PMP22: variants seen among roughly 807,000 people sequenced by gnomAD.
The protein encoded by PMP22 is peripheral myelin protein 22, also known as Charcot-Marie-Tooth neuropathy 1A (greatly reduced nerve conduction velocity, hereditary motor sensory neuropathy Ia).
PMP22 carries 2 observed loss-of-function variants against 18.9 expected under a neutral mutation model. The observed-to-expected ratio is 0.11, with a 90% CI of 0.04 to 0.33. The LOEUF (loss-of-function observed/expected upper bound fraction) is 0.33, where lower values mean the gene tolerates loss of function less well. Ranked by LOEUF, PMP22 falls within the 10% of genes least tolerant of loss-of-function variation. PMP22 has a pLI of 1.00. For synonymous variants in PMP22, 95 were observed against 89.2 expected, an observed-to-expected ratio of 1.07 and a Z score of -0.37; for missense variants, 169 against 202.2, an observed-to-expected ratio of 0.84 and a Z score of 1.00.
At position 15,239,455 on chromosome 17, in the gene PMP22, A is replaced by G. The variant is rs751416357; in HGVS notation, c.319+16T>C. 6.2e-7 allele frequency: 1 copy of G among 1,614,138 alleles called. No individual in the cohort carries two copies. The highest frequency in any genetic ancestry group is 8.5e-7 in the Non-Finnish European group (1 of 1,179,948). The stretch of plus-strand genomic sequence containing the variant: ...TGCACCCCGCTTCCACATGGACTTT[A>G]CCATCCACAACTTACCAGCAAGAAT... On this transcript the variant is annotated intron_variant, in intron 4 of 4. Transcript: ENST00000312280.
chr17:15,256,345 G>A (rs906343046), intron 3 of PMP22, among the ~76,000 whole-genome samples: 2 of 152,012 alleles, frequency 1.3e-5, no homozygotes, highest in African/African-American at 4.8e-5. Flanking sequence ...AGTCCTTTCA[G>A]AAAAAAATAC....
intron 1 of PMP22, among the ~76,000 whole-genome samples, chr17:15,263,794 A>T (rs1909527702): frequency 6.6e-6 from 1 of 152,190 alleles, no homozygotes; most frequent in South Asian, 2.1e-4. Flanking sequence ...ATCAGATTAA[A>T]ATGAAGTGTA....
At chr17:15,264,592 GC>G (rs1909588611) in intron 1 of PMP22, among the ~76,000 whole-genome samples, 1 of 152,142 alleles carries the variant, frequency 6.6e-6, no homozygotes. Context: ...GCTACAGCTC[GC>G]TTCTTCCTTT....
chr17:15,259,792 A>AT (rs2150708401), intron 2 of PMP22, among the ~76,000 whole-genome samples: 1 of 151,532 alleles, frequency 6.6e-6, no homozygotes, highest in East Asian at 1.9e-4. Flanking sequence ...ATACAAAAAA[A>AT]AAAAAAATTA....
chr17:15,259,856 T>C (rs1469242672), intron 2 of PMP22, among the ~76,000 whole-genome samples: 1 of 148,344 alleles, frequency 6.7e-6, no homozygotes, highest in Non-Finnish European at 1.5e-5. Context: ...GAGAATGGCT[T>C]GAACCCGGAA....
chr17:15,239,408 C>G (rs777499601), intron 4 of PMP22, 63 bp downstream of exon 4: 4 of 1,572,860 alleles, frequency 2.5e-6, no homozygotes, highest in Non-Finnish European at 3.5e-6. Flanking sequence ...TTCTACTAAA[C>G]TAATCATTCC....
chr17:15,259,949 AAAAAAAGAAAAG>A, intron 2 of PMP22, among the ~76,000 whole-genome samples: 1 of 151,836 alleles, frequency 6.6e-6, no homozygotes, highest in East Asian at 1.9e-4. Context: ...AAAAAAAAAA[AAAAAAAGAAAAG>A]AAAAGAAAAG....
chr17:15,231,046 C>T lies in PMP22; in HGVS notation c.354G>A (p.Thr118=), dbSNP rs776275784. ...LCVMSAAAIY[T]VRHPEWHLNS... is the part of the protein sequence containing the mutation. ...TGAGATGCCACTCCGGGTGCCTCAC[C>T]GTGTAGATGGCCGCAGCACTCATCA... Residue 118 remains threonine, a synonymous_variant, in exon 5 of 5, where the codon ACG becomes ACA. Transcript: ENST00000312280. 23 of 1,614,066 alleles carry T rather than the reference C, an allele frequency of 1.4e-5. 1 individual carries two copies. The highest frequency in any genetic ancestry group is 7.7e-5 in the South Asian group (7 of 91,082).
At chr17:15,243,565 C>A (rs61611607) in intron 3 of PMP22, among the ~76,000 whole-genome samples, 1 of 151,078 alleles carries the variant, frequency 6.6e-6, no homozygotes, top group African/African-American at 2.4e-5. Flanking sequence ...TACCACCTAC[C>A]AGATTTAAAA....
At chr17:15,259,663 C>T (rs1597633804) in intron 2 of PMP22, among the ~76,000 whole-genome samples, 1 of 151,708 alleles carries the variant, frequency 6.6e-6, no homozygotes, top group South Asian at 2.1e-4. Context: ...GCTTACAGGC[C>T]GGGCACGGTG....
intron 4 of PMP22, among the ~76,000 whole-genome samples, chr17:15,232,134 C>G (rs1447094933): frequency 1.3e-5 from 2 of 152,014 alleles, no homozygotes; most frequent in Admixed American, 6.6e-5. Flanking sequence ...CCGCGCCCCC[C>G]CACCGCCCGG....
intron 3 of PMP22, among the ~76,000 whole-genome samples, chr17:15,257,595 AG>A (rs1328312040): frequency 6.6e-6 from 1 of 152,182 alleles, no homozygotes; most frequent in Non-Finnish European, 1.5e-5. Flanking sequence ...CTAAAGGGGG[AG>A]AAACCGGATG....
At position 15,265,296 on chromosome 17, in the gene PMP22, G is replaced by A. The variant is rs372385075; in HGVS notation, c.-177C>T. On this transcript the variant is annotated 5_prime_UTR_variant, in exon 1 of 5. Coordinates refer to ENST00000312280, the MANE Select transcript of PMP22 (RefSeq NM_000304.4). ...CCTGCAGCTTCCAACCAGGCTCCCC[G>A]AGATGTTCCCTGGTGGTGCTCCCTG... 2 of 152,260 alleles carry A rather than the reference G, an allele frequency of 1.3e-5. No individual in the cohort carries two copies. Among genetic ancestry groups the A allele is most frequent in the Admixed American group, 6.5e-5 (1 of 15,298 alleles). 9.4% of individuals were successfully genotyped at this position (152,260 alleles called of 1,614,324 possible).
intron 4 of PMP22, among the ~76,000 whole-genome samples, chr17:15,236,550 T>C (rs903373724): frequency 6.6e-6 from 1 of 152,166 alleles, no homozygotes; most frequent in African/African-American, 2.4e-5. Context: ...ATCCCATGAG[T>C]GTGGAGCTAC....
chr17:15,230,589 A>G lies in PMP22; in HGVS notation c.*328T>C, dbSNP rs1252604094. On this transcript the variant is annotated 3_prime_UTR_variant, in exon 5 of 5. Coordinates refer to ENST00000312280, the MANE Select transcript of PMP22 (RefSeq NM_000304.4). ...GGTAAAACAAAACAAACAAACAAAA[A>G]ACAAAACAAAAATACTGAGCTGGAT... 3.6e-6 allele frequency: 1 copy of G among 281,530 alleles called. No individual in the cohort carries two copies. Among genetic ancestry groups the G allele is most frequent in the Non-Finnish European group, 6.8e-6 (1 of 146,338 alleles). 17.4% of individuals were successfully genotyped at this position (281,530 alleles called of 1,614,324 possible). A position where few individuals can be genotyped will look rare whatever the true frequency, so the allele number is the denominator to read the frequency against.
chr17:15,260,629 GCCTCCC>G lies in PMP22; in HGVS notation c.78+15_78+20del, dbSNP rs1909234299. The G allele has an allele frequency of 4.5e-6, 7 of 1,546,534 alleles. No homozygotes were observed. The South Asian group carries it at 6.0e-5, about 13-fold the overall frequency. On this transcript the variant is annotated intron_variant, in intron 2 of 4. Coordinates refer to ENST00000312280, the MANE Select transcript of PMP22 (RefSeq NM_000304.4). ...TGGGGAAGGGCGGGCCGCGCAGGGA[GCCTCCC>G]CGCCAGGCACTCACGCTGACGATCG... is the stretch of plus-strand genomic sequence containing the variant.
At chr17:15,244,691 T>C (rs551535077) in intron 3 of PMP22, among the ~76,000 whole-genome samples, 3 of 152,282 alleles carry the variant, frequency 2.0e-5, no homozygotes, top group Admixed American at 6.5e-5. Flanking sequence ...CAACATGTCA[T>C]CATTATGAAA....
chr17:15,248,288 C>G (rs1908009046), intron 3 of PMP22, among the ~76,000 whole-genome samples: 1 of 152,032 alleles, frequency 6.6e-6, no homozygotes, highest in Non-Finnish European at 1.5e-5. Flanking sequence ...GTGGGCGGCT[C>G]TCTCAACAGG....
In PMP22 at chr17:15,239,227, T is replaced by C. The variant is rs925038685; in HGVS notation, c.319+244A>G. ...GGGTGGGGACCTTCCTTCCAGATCC[T>C]CTAAGTTCTCTTTCATATGCATCTC... is the stretch of plus-strand genomic sequence containing the variant. On this transcript the variant is annotated intron_variant, in intron 4 of 4. Coordinates refer to ENST00000312280, the MANE Select transcript of PMP22 (RefSeq NM_000304.4). 6.5e-6 allele frequency: 4 copies of C among 614,840 alleles called. No homozygotes were observed. The Admixed American group carries it at 8.3e-5, about 13-fold the overall frequency. The allele number at this position is 614,840 out of a possible 1,614,324, so 38.1% of individuals were successfully genotyped here.
Sources: allele counts gnomAD v4.1 joint callset (sites outside exome capture counted in the v4.1 genomes callset), GRCh38; gene constraint gnomAD v4.1.1; transcripts MANE v1.5; gene names NCBI Gene and HGNC (gene_info 2026-07-23, HGNC 2026-07-21).